The following PRSS55 variants were observed in gnomAD, a reference collection of about 807,000 sequenced individuals.
PRSS55 encodes the protein serine protease 55.
A neutral mutation model predicts 23.6 loss-of-function variants in PRSS55; 41 were observed. That is an observed-to-expected ratio of 1.74 (90% CI 1.35 to 2.26). The LOEUF (loss-of-function observed/expected upper bound fraction) is 2.26. Ranked by LOEUF, PRSS55 falls within the 30% of genes most tolerant of loss-of-function variation. The probability of loss-of-function intolerance (pLI) is 0.00; values close to 1 mark genes in which losing one functional copy is unlikely to be tolerated. For synonymous variants in PRSS55, 262 were observed against 175.5 expected (o/e 1.49, Z -3.90); for missense variants, 669 against 439.1 (o/e 1.52, Z -4.68).
intron 4 of PRSS55, among the ~76,000 whole-genome samples, chr8:10,533,527 G>A (rs1036008809): frequency 6.6e-6 from 1 of 152,088 alleles, no homozygotes; most frequent in Admixed American, 6.5e-5. Context: ...GTTGCATGTG[G>A]GTTTCACTGA....
downstream of PRSS55, chr8:10,541,400 T>A (rs1397323181): frequency 6.6e-6 from 1 of 152,200 alleles, no homozygotes; most frequent in South Asian, 2.1e-4. Flanking sequence ...CAAGAGGGAA[T>A]TCCTCAGCCG....
Position 10,525,582 on chromosome 8 carries a change from G to A in PRSS55, c.-4G>A. 6.2e-7 allele frequency: 1 copy of A among 1,613,658 alleles called. No individual in the cohort carries two copies. Among genetic ancestry groups the A allele is most frequent in the Non-Finnish European group, 8.5e-7 (1 of 1,179,796 alleles). On this transcript the variant is annotated 5_prime_UTR_variant, in exon 1 of 5. Coordinates refer to ENST00000328655, the MANE Select transcript of PRSS55 (RefSeq NM_198464.4). ...CCCCCGGGCCCACAGCACAGCCCAGGGCCATGCTCCTGTTCTCAGTGTTGC... is the reference window on the plus strand; with the variant it reads ...CCCCCGGGCCCACAGCACAGCCCAGAGCCATGCTCCTGTTCTCAGTGTTGC...
At chr8:10,542,509 A>G (rs920522494), downstream of PRSS55, among the ~76,000 whole-genome samples, 5 of 151,942 alleles carry the variant, frequency 3.3e-5, no homozygotes, top group African/African-American at 2.4e-5. Flanking sequence ...TTTGTATTTA[A>G]GAATAAAGGG....
At chr8:10,539,306 G>A (rs1052277368), downstream of PRSS55, among the ~76,000 whole-genome samples, 1 of 152,214 alleles carries the variant, frequency 6.6e-6, no homozygotes, top group Non-Finnish European at 1.5e-5. Context: ...TGATTCAAAA[G>A]TTATCAATTT....
chr8:10,533,718 AT>A (rs1166300593), intron 4 of PRSS55, among the ~76,000 whole-genome samples: 4 of 152,238 alleles, frequency 2.6e-5, no homozygotes, highest in African/African-American at 9.6e-5. Context: ...GGCCACCCTG[AT>A]GAACCTGCTT....
In PRSS55 at chr8:10,529,543, G is replaced by C. The variant is rs142659616; in HGVS notation, c.191G>C (p.Arg64Pro). 4 of 1,614,050 alleles carry C rather than the reference G, an allele frequency of 2.5e-6. No homozygotes were observed. The highest frequency in any genetic ancestry group is 2.7e-5 in the African/African-American group (2 of 74,926). The stretch of plus-strand genomic sequence containing the variant: ...AGATCTATTTTCGAGGGAAGAACTC[G>C]GTATTCCAGAATCACAGGGGGGATG... Reference protein sequence around the residue: ...GDRSIFEGRTRYSRITGGMEA... With the variant: ...GDRSIFEGRTPYSRITGGMEA... Residue 64 changes from arginine (R) to proline (P), a missense_variant, in exon 2 of 5, where the codon CGG (arginine) becomes CCG (proline). Physicochemically the swap from Arg to Pro is moderately radical, Grantham distance 103. Coordinates refer to ENST00000328655, the MANE Select transcript of PRSS55 (RefSeq NM_198464.4).
chr8:10,543,423 T>TTCCTTCCTTC (rs1812717370), downstream of PRSS55, among the ~76,000 whole-genome samples: 2 of 71,474 alleles, frequency 2.8e-5, no homozygotes, highest in Admixed American at 1.4e-4. Context: ...CTTCTTTCTT[T>TTCCTTCCTTC]CTTCCTTCCT....
intron 1 of PRSS55, among the ~76,000 whole-genome samples, chr8:10,529,188 C>G (rs1010164891): frequency 3.3e-5 from 5 of 152,372 alleles, no homozygotes; most frequent in Middle Eastern, 3.4e-3. Context: ...GCCTTGGACA[C>G]TGTTTTCTTC....
intron 1 of PRSS55, among the ~76,000 whole-genome samples, chr8:10,527,434 G>A (rs1028959812): frequency 1.3e-5 from 2 of 152,214 alleles, no homozygotes; most frequent in Non-Finnish European, 2.9e-5. Flanking sequence ...CCAGAGTCAG[G>A]CAAAAGGGAC....
chr8:10,552,646 C>A (rs1812975407), intron 4 of PRSS55, among the ~76,000 whole-genome samples: 1 of 152,166 alleles, frequency 6.6e-6, no homozygotes. Flanking sequence ...AAAGAAGACA[C>A]ATAAGTGGCT....
At chr8:10,529,310 C>G in intron 1 of PRSS55, 197 bp from the exon 2 acceptor site, 1 of 629,238 alleles carries the variant, frequency 1.6e-6, no homozygotes, top group Admixed American at 2.5e-5. Context: ...TTGCTGAGCT[C>G]TGTGTAGACA....
intron 4 of PRSS55, among the ~76,000 whole-genome samples, chr8:10,536,619 G>A (rs1240100206): frequency 2.0e-5 from 3 of 152,248 alleles, no homozygotes; most frequent in Non-Finnish European, 4.4e-5. Context: ...CAAACTACAT[G>A]TCCTTCGATG....
intron 4 of PRSS55, among the ~76,000 whole-genome samples, chr8:10,545,666 T>C (rs1347277095): frequency 6.6e-6 from 1 of 152,158 alleles, no homozygotes; most frequent in African/African-American, 2.4e-5. Flanking sequence ...CATTAGAATA[T>C]GCATTGGATT....
chr8:10,540,390 G>C (rs987731317), downstream of PRSS55: 1 of 152,230 alleles, frequency 6.6e-6, no homozygotes, highest in Non-Finnish European at 1.5e-5. Context: ...CTACAGCCTG[G>C]CTGAGTGTTC....
chr8:10,542,518 G>T (rs561201189), downstream of PRSS55, among the ~76,000 whole-genome samples: 3 of 152,028 alleles, frequency 2.0e-5, no homozygotes, highest in East Asian at 3.9e-4. Context: ...AAGAATAAAG[G>T]GTGAGTTTTT....
chr8:10,548,432 C>G lies in PRSS55; in HGVS notation c.742-5511C>G, dbSNP rs1231692304. ...TTGTCCCCACCCTCCCGGTGGCTGC[C>G]ACCCTGCTGGGCCCTCACGGGTGGG... is the stretch of plus-strand genomic sequence containing the variant. On this transcript the variant is annotated intron_variant, in intron 4 of 4. Coordinates refer to the PRSS55 transcript ENST00000522210. 2.0e-5 allele frequency among the ~76,000 whole-genome samples: 3 copies of G among 152,134 alleles called. No individual in the cohort carries two copies. The East Asian group carries it at 5.8e-4, about 29-fold the overall frequency.
intron 4 of PRSS55, among the ~76,000 whole-genome samples, chr8:10,548,444 C>T (rs1479043422): frequency 6.6e-6 from 1 of 152,118 alleles, no homozygotes; most frequent in Non-Finnish European, 1.5e-5. Context: ...CCCTGCTGGG[C>T]CCTCACGGGT....
chr8:10,536,115 G>A (rs976545345), intron 4 of PRSS55, among the ~76,000 whole-genome samples: 1 of 152,174 alleles, frequency 6.6e-6, no homozygotes, highest in Non-Finnish European at 1.5e-5. Flanking sequence ...GAACCCAGGA[G>A]GCGGAGCTTG....
At chr8:10,550,587 C>A (rs1812930036) in intron 4 of PRSS55, among the ~76,000 whole-genome samples, 1 of 152,174 alleles carries the variant, frequency 6.6e-6, no homozygotes, top group South Asian at 2.1e-4. Context: ...GCACAGGGAC[C>A]CAATCTCTGC....
Sources: allele counts gnomAD v4.1 joint callset (sites outside exome capture counted in the v4.1 genomes callset), GRCh38; gene constraint gnomAD v4.1.1; transcripts MANE v1.5; gene names NCBI Gene and HGNC (gene_info 2026-07-23, HGNC 2026-07-21).